Variants in ZHX2 observed in about 807,000 individuals in gnomAD.
ZHX2 encodes zinc fingers and homeoboxes protein 2.
ZHX2 carries 6 observed loss-of-function variants against 21.9 expected under a neutral mutation model. The ratio of observed to expected loss-of-function variants is 0.27; its 90% confidence interval spans 0.15 to 0.54. ZHX2 has a LOEUF of 0.54. Among genes scored for constraint, ZHX2 ranks in the 20% least tolerant of loss-of-function variants. The pLI is 0.95. For synonymous variants in ZHX2, 434 were observed against 437.1 expected, an observed-to-expected ratio of 0.99 and a Z score of 0.09; for missense variants, 908 against 1,090.7, an observed-to-expected ratio of 0.83 and a Z score of 2.36.
At chr8:122,936,692 G>T (rs1812701782) in intron 2 of ZHX2, among the ~76,000 whole-genome samples, 1 of 152,178 alleles carries the variant, frequency 6.6e-6, no homozygotes, top group African/African-American at 2.4e-5. Flanking sequence ...TGTTGGACTG[G>T]GACACAGTGG....
In ZHX2 at chr8:122,931,901, G is replaced by A. The variant is rs540382759; in HGVS notation, c.-219-19391G>A. Reference sequence around the variant, plus strand: ...ATGAGAGATGATGGTGCCTTGGATCGGGGTGGTCATAGTGGAAAATGAGAG... The same window carrying A: ...ATGAGAGATGATGGTGCCTTGGATCAGGGTGGTCATAGTGGAAAATGAGAG... On this transcript the variant is annotated intron_variant, in intron 2 of 3. Coordinates refer to ENST00000314393, the MANE Select transcript of ZHX2 (RefSeq NM_014943.5). 5.9e-5 allele frequency among the ~76,000 whole-genome samples: 9 copies of A among 152,190 alleles called. No individual in the cohort carries two copies. The South Asian group carries it at 6.2e-4, about 10-fold the overall frequency.
intron 3 of ZHX2, among the ~76,000 whole-genome samples, chr8:122,955,070 G>T (rs1033464162): frequency 2.6e-5 from 2 of 75,858 alleles, no homozygotes; most frequent in Non-Finnish European, 2.5e-5. Context: ...CACATAAGCC[G>T]GGGGGGGGGG....
chr8:122,849,547 C>T (rs1366490271), intron 1 of ZHX2, among the ~76,000 whole-genome samples: 1 of 152,126 alleles, frequency 6.6e-6, no homozygotes, highest in Non-Finnish European at 1.5e-5. Context: ...TCGGGTGCTG[C>T]TGGCATTCCT....
rs145190965 is a variant in ZHX2 at position 122,953,769 on chromosome 8, C to T, written c.2259C>T (p.Ser753=). ...EKLVTRVKVG[S]EPAKDCLPAK... ...TGGTGACCAGGGTAAAAGTAGGCAG[C>T]GAGCCAGCAAAAGACTGTTTGCCAG... Residue 753 remains serine, a synonymous_variant, in exon 3 of 4, where the codon AGC becomes AGT. Transcript: ENST00000314393. This position sits in a 1 kb window ranked among gnomAD's most constrained non-coding sequence, Gnocchi z 4.6. 1.4e-4 allele frequency: 227 copies of T among 1,614,106 alleles called. No individual in the cohort carries two copies. The highest frequency in any genetic ancestry group is 1.5e-4 in the Non-Finnish European group (175 of 1,180,060).
At chr8:122,873,799 A>G (rs1819502935) in intron 2 of ZHX2, among the ~76,000 whole-genome samples, 1 of 152,176 alleles carries the variant, frequency 6.6e-6, no homozygotes, top group Non-Finnish European at 1.5e-5. Flanking sequence ...GGGAGAATCC[A>G]TCTTCTTGCT....
chr8:122,825,574 C>T (rs773501312), intron 1 of ZHX2, among the ~76,000 whole-genome samples: 2 of 152,162 alleles, frequency 1.3e-5, no homozygotes, highest in Non-Finnish European at 2.9e-5. Context: ...ATATTTTAGT[C>T]CATGTTTTTA....
At chr8:122,912,916 G>A (rs73333682) in intron 2 of ZHX2, among the ~76,000 whole-genome samples, 6,021 of 152,168 alleles carry the variant, frequency 0.04, 384 homozygotes, top group African/African-American at 0.14. Flanking sequence ...ATCCATTGAA[G>A]GTTTACCGTT....
At chr8:122,859,706 G>C (rs913192867) in intron 1 of ZHX2, among the ~76,000 whole-genome samples, 2 of 152,114 alleles carry the variant, frequency 1.3e-5, no homozygotes, top group African/African-American at 4.8e-5. Context: ...CCTGTTAGCT[G>C]TCCCTGTCTT....
intron 1 of ZHX2, among the ~76,000 whole-genome samples, chr8:122,853,053 T>C (rs1055161178): frequency 1.3e-5 from 2 of 152,160 alleles, no homozygotes; most frequent in African/African-American, 4.8e-5. Flanking sequence ...TTGAGAAAAC[T>C]GATCTTCCAG....
Position 122,796,295 on chromosome 8 carries a change from A to G in ZHX2, c.-283+14349A>G, listed in dbSNP as rs77053563. Among the ~76,000 whole-genome samples the G allele has an allele frequency of 6.5e-3, 990 of 152,338 alleles. 33 individuals are homozygous for G. The highest frequency in any genetic ancestry group is 0.052 in the East Asian group (272 of 5,188). On this transcript the variant is annotated intron_variant, in intron 1 of 3. Transcript: ENST00000314393. ...CACAACGGGAACTAGTAACAGCAGC[A>G]TCTTTTACCTTTCCCTTTGGAGGCA... is the stretch of plus-strand genomic sequence containing the variant.
chr8:122,962,690 G>A (rs937474278), intron 3 of ZHX2, among the ~76,000 whole-genome samples: 1 of 152,096 alleles, frequency 6.6e-6, no homozygotes, highest in Non-Finnish European at 1.5e-5. Context: ...AGTTCTTTAA[G>A]GACTCTCCAT....
intron 1 of ZHX2, among the ~76,000 whole-genome samples, chr8:122,842,502 G>A (rs748317994): frequency 2.0e-5 from 3 of 152,134 alleles, no homozygotes; most frequent in Non-Finnish European, 4.4e-5. Context: ...TCAGGAGATC[G>A]AGACCATCCT....
At chr8:122,909,555 C>A (rs1331164822) in intron 2 of ZHX2, among the ~76,000 whole-genome samples, 1 of 152,158 alleles carries the variant, frequency 6.6e-6, no homozygotes, top group Non-Finnish European at 1.5e-5. Context: ...ACACCCAACA[C>A]TCTTATTCAC....
intron 2 of ZHX2, among the ~76,000 whole-genome samples, chr8:122,864,256 A>G (rs966646858): frequency 1.4e-5 from 2 of 146,380 alleles, no homozygotes; most frequent in Non-Finnish European, 3.0e-5. Flanking sequence ...GAATGAAGGA[A>G]GCTTTTGAAC....
chr8:122,796,275 C>T (rs1402414421), intron 1 of ZHX2, among the ~76,000 whole-genome samples: 2 of 152,080 alleles, frequency 1.3e-5, no homozygotes, highest in Non-Finnish European at 2.9e-5. Context: ...GACCACACAA[C>T]GGGAACTAGT....
intron 2 of ZHX2, among the ~76,000 whole-genome samples, chr8:122,918,419 T>C (rs2130063423): frequency 6.6e-6 from 1 of 152,298 alleles, no homozygotes; most frequent in African/African-American, 2.4e-5. Context: ...AGTCCCAGGG[T>C]GTCTGCCTCC....
At chr8:122,850,947 C>A (rs919785381) in intron 1 of ZHX2, among the ~76,000 whole-genome samples, 1 of 152,170 alleles carries the variant, frequency 6.6e-6, no homozygotes, top group African/African-American at 2.4e-5. Flanking sequence ...GGACCTGGGG[C>A]TCGCCCTGGG....
chr8:122,816,493 T>G (rs1004821725), intron 1 of ZHX2: 2 of 150,114 alleles, frequency 1.3e-5, no homozygotes, highest in Non-Finnish European at 3.0e-5. Flanking sequence ...GTCGCCAGGC[T>G]GGAGTGCAGT....
intron 3 of ZHX2, among the ~76,000 whole-genome samples, chr8:122,964,144 T>C (rs1463522438): frequency 3.3e-5 from 5 of 152,214 alleles, no homozygotes; most frequent in Non-Finnish European, 7.4e-5. Context: ...TTTCTTTCTC[T>C]TGTCTGATTG....
Sources: allele counts gnomAD v4.1 joint callset (sites outside exome capture counted in the v4.1 genomes callset), GRCh38; gene constraint gnomAD v4.1.1; non-coding constraint Gnocchi (gnomAD v3.1); transcripts MANE v1.5; gene names NCBI Gene and HGNC (gene_info 2026-07-23, HGNC 2026-07-21).